Variants in GRAP2 observed in about 807,000 individuals in gnomAD.
GRAP2 encodes GRB2-related adapter protein 2.
GRAP2 carries 31 observed loss-of-function variants against 43.5 expected under a neutral mutation model. That is an observed-to-expected ratio of 0.71 (90% CI 0.54 to 0.96). The LOEUF (loss-of-function observed/expected upper bound fraction) is 0.96. Among genes scored for constraint, GRAP2 ranks in the 40% least tolerant of loss-of-function variants. GRAP2 has a pLI of 0.00. For synonymous variants in GRAP2, 156 were observed against 164.8 expected (o/e 0.95, Z 0.41); for missense variants, 371 against 424.4 (o/e 0.87, Z 1.11).
the GRAP2 span, among the ~76,000 whole-genome samples, chr22:39,895,374 A>G: frequency 6.6e-6 from 1 of 152,212 alleles, no homozygotes; most frequent in Non-Finnish European, 1.5e-5. Context: ...GATAGGAGGT[A>G]TGAAAGAAGT....
chr22:39,952,102 C>T (rs948020929), intron 2 of GRAP2, among the ~76,000 whole-genome samples: 1 of 150,708 alleles, frequency 6.6e-6, no homozygotes. Flanking sequence ...TCTCGGCTCA[C>T]TGCAACCTCC....
intron 1 of GRAP2, among the ~76,000 whole-genome samples, chr22:39,916,607 A>G (rs767516488): frequency 1.3e-5 from 2 of 152,248 alleles, no homozygotes; most frequent in Non-Finnish European, 2.9e-5. Flanking sequence ...AGGTTTTCCT[A>G]TAGTTCAAAT....
intron 6 of GRAP2, 73 bp downstream of exon 6, chr22:39,968,345 C>A: frequency 1.3e-6 from 2 of 1,547,472 alleles, no homozygotes; most frequent in East Asian, 2.3e-5. Context: ...CCTGGCCCAG[C>A]CTCTTGAGTT....
intron 2 of GRAP2, among the ~76,000 whole-genome samples, chr22:39,952,176 A>C (rs1029103477): frequency 2.0e-5 from 3 of 151,922 alleles, no homozygotes; most frequent in African/African-American, 7.3e-5. Context: ...ACAGGCATGC[A>C]CCACCATGCC....
At chr22:39,894,857 G>A in the GRAP2 span, among the ~76,000 whole-genome samples, 1 of 152,206 alleles carries the variant, frequency 6.6e-6, no homozygotes, top group Non-Finnish European at 1.5e-5. Context: ...AGAGAGAAGA[G>A]ATCATCTAAT....
intron 4 of GRAP2, 106 bp downstream of exon 4, chr22:39,960,280 A>G (rs2067104703): frequency 2.7e-6 from 3 of 1,129,062 alleles, no homozygotes; most frequent in Non-Finnish European, 3.9e-6. Flanking sequence ...GGTCAGAAGC[A>G]TGGTGGCCTA....
intron 1 of GRAP2, among the ~76,000 whole-genome samples, chr22:39,937,272 G>A (rs559883515): frequency 1.3e-5 from 2 of 152,286 alleles, no homozygotes; most frequent in Admixed American, 1.3e-4. Context: ...CTCAAAGGTA[G>A]CATCACAGTG....
In GRAP2 at chr22:39,917,737, C is replaced by G. The variant is rs1225089703; in HGVS notation, c.-15+16407C>G. Among the ~76,000 whole-genome samples the G allele has an allele frequency of 2.0e-5, 3 of 152,248 alleles. No homozygotes were observed. In the East Asian group the frequency reaches 5.8e-4, roughly 29 times the overall value. Reference sequence around the variant, plus strand: ...ATCTCATTAGATGGCAAAAATTGAGCAGAATTGTGCATGCTCCATGCTCAA... The same window carrying G: ...ATCTCATTAGATGGCAAAAATTGAGGAGAATTGTGCATGCTCCATGCTCAA... On this transcript the variant is annotated intron_variant, in intron 1 of 7. Transcript: ENST00000344138.
At chr22:39,901,386 A>G in intron 1 of GRAP2, 56 bp downstream of exon 1, 2 of 588,020 alleles carry the variant, frequency 3.4e-6, no homozygotes, top group Non-Finnish European at 5.7e-6. Context: ...ACAGTTTTAT[A>G]ATTTGCAGAA....
chr22:39,940,862 G>T (rs1158184263), intron 1 of GRAP2, among the ~76,000 whole-genome samples: 1 of 152,328 alleles, frequency 6.6e-6, no homozygotes, highest in East Asian at 1.9e-4. Context: ...TAAAACTCAT[G>T]AGAGACAATG....
chr22:39,907,889 A>G (rs1445694920), intron 1 of GRAP2, among the ~76,000 whole-genome samples: 2 of 152,194 alleles, frequency 1.3e-5, no homozygotes, highest in Non-Finnish European at 2.9e-5. Context: ...TGCTCAAGGT[A>G]ATTTGCTAAT....
At chr22:39,933,004 C>T (rs558884612) in intron 1 of GRAP2, among the ~76,000 whole-genome samples, 37 of 152,236 alleles carry the variant, frequency 2.4e-4, no homozygotes, top group African/African-American at 8.2e-4. Flanking sequence ...ACCCAGATGG[C>T]GGCAGCACTG....
intron 1 of GRAP2, among the ~76,000 whole-genome samples, chr22:39,912,241 C>T (rs1025102969): frequency 4.6e-5 from 7 of 152,050 alleles, no homozygotes; most frequent in South Asian, 2.1e-4. Context: ...GGCAACATAG[C>T]GAGATCACAT....
At chr22:39,961,498 C>T (rs984053148) in intron 4 of GRAP2, among the ~76,000 whole-genome samples, 6 of 152,140 alleles carry the variant, frequency 3.9e-5, no homozygotes, top group Non-Finnish European at 8.8e-5. Context: ...ACAGCAAGAC[C>T]GAAAACCACA....
intron 6 of GRAP2, chr22:39,968,493 A>T: frequency 1.8e-6 from 1 of 570,476 alleles, no homozygotes; most frequent in South Asian, 2.4e-5. Flanking sequence ...TCTCACACAC[A>T]CACACACACT....
At chr22:39,916,620 TA>T (rs1406042383) in intron 1 of GRAP2, among the ~76,000 whole-genome samples, 1 of 152,266 alleles carries the variant, frequency 6.6e-6, no homozygotes, top group Non-Finnish European at 1.5e-5. Flanking sequence ...GTTCAAATTA[TA>T]AAAGTCATTC....
At chr22:39,955,449 C>A (rs901255454) in intron 2 of GRAP2, among the ~76,000 whole-genome samples, 2 of 151,898 alleles carry the variant, frequency 1.3e-5, no homozygotes, top group African/African-American at 4.8e-5. Flanking sequence ...AACCATTCTT[C>A]CTTCTCACCA....
chr22:39,969,289 A>G (rs1014930085), intron 6 of GRAP2, 122 bp from the exon 7 acceptor site: 1 of 1,128,134 alleles, frequency 8.9e-7, no homozygotes, highest in African/African-American at 1.5e-5. Flanking sequence ...GTTTATTGTC[A>G]TTATCAGTAA....
intron 5 of GRAP2, 78 bp from the exon 6 acceptor site, chr22:39,967,964 A>G (rs1456946333): frequency 6.5e-7 from 1 of 1,530,000 alleles, no homozygotes; most frequent in Non-Finnish European, 8.8e-7. Context: ...GGGTCTGGGA[A>G]CAACTGCCCG....
Sources: allele counts gnomAD v4.1 joint callset (sites outside exome capture counted in the v4.1 genomes callset), GRCh38; gene constraint gnomAD v4.1.1; transcripts MANE v1.5; gene names NCBI Gene and HGNC (gene_info 2026-07-23, HGNC 2026-07-21).